Variants in ANKDD1B observed in about 807,000 individuals in gnomAD.
ANKDD1B encodes ankyrin repeat and death domain-containing protein 1B.
A neutral mutation model predicts 59.7 loss-of-function variants in ANKDD1B; 57 were observed. The observed-to-expected ratio is 0.95, with a 90% CI of 0.77 to 1.19. The LOEUF is 1.19. Ranked by LOEUF, ANKDD1B falls within the 50% of genes most tolerant of loss-of-function variation. ANKDD1B has a pLI of 0.00. For synonymous variants in ANKDD1B, 216 were observed against 239.5 expected (o/e 0.90, Z 0.91); for missense variants, 602 against 641.9 (o/e 0.94, Z 0.67).
chr5:75,613,345 G>C (rs1773621092), intron 1 of ANKDD1B, among the ~76,000 whole-genome samples: 1 of 152,166 alleles, frequency 6.6e-6, no homozygotes, highest in South Asian at 2.1e-4. Context: ...ACTGGAGAGA[G>C]ATTAAGTGAT....
chr5:75,640,253 C>G (rs765285974), intron 7 of ANKDD1B, among the ~76,000 whole-genome samples: 3 of 152,096 alleles, frequency 2.0e-5, no homozygotes, highest in Non-Finnish European at 4.4e-5. Flanking sequence ...CCACGTTGCC[C>G]AGGCTGGTCT....
intron 7 of ANKDD1B, among the ~76,000 whole-genome samples, chr5:75,641,769 G>T (rs1361677344): frequency 2.0e-5 from 3 of 152,260 alleles, no homozygotes; most frequent in African/African-American, 7.2e-5. Context: ...TCTGCTGGTG[G>T]GAGTCTATAT....
rs535395429 is a variant in ANKDD1B at position 75,667,007 on chromosome 5, A to G, written c.1393+14A>G. On this transcript the variant is annotated intron_variant, in intron 12 of 13. Coordinates refer to ENST00000601380, the MANE Select transcript of ANKDD1B (RefSeq NM_001276713.2). ...AGCAGTGGTCGGGTGAGTACAGACT[A>G]GATGATGTGGGCAGGAGGAATTCAC... The G allele has an allele frequency of 2.2e-5, 31 of 1,415,902 alleles. No individual in the cohort carries two copies. The East Asian group carries it at 7.4e-4, about 34-fold the overall frequency. The allele number at this position is 1,415,902 out of a possible 1,614,324, so 87.7% of individuals were successfully genotyped here.
intron 3 of ANKDD1B, among the ~76,000 whole-genome samples, chr5:75,620,783 G>C (rs1276899898): frequency 6.6e-6 from 1 of 152,068 alleles, no homozygotes; most frequent in African/African-American, 2.4e-5. Context: ...ATAATAAATA[G>C]GTGTATTAAA....
chr5:75,638,531 C>G (rs1177418510), intron 7 of ANKDD1B, among the ~76,000 whole-genome samples: 1 of 152,076 alleles, frequency 6.6e-6, no homozygotes, highest in Non-Finnish European at 1.5e-5. Flanking sequence ...GTGGCTATCA[C>G]ATATACATTT....
intron 5 of ANKDD1B, among the ~76,000 whole-genome samples, chr5:75,632,206 A>G (rs1244837645): frequency 2.0e-5 from 3 of 152,200 alleles, no homozygotes; most frequent in Non-Finnish European, 4.4e-5. Context: ...TAAGGAAGCC[A>G]TCTAGTCAAA....
chr5:75,611,948 T>C, intron 1 of ANKDD1B, 121 bp downstream of exon 1: 1 of 844,088 alleles, frequency 1.2e-6, no homozygotes, highest in Non-Finnish European at 1.6e-6. Context: ...GCGAGGCGAC[T>C]CAGCCCTGGG....
intron 7 of ANKDD1B, among the ~76,000 whole-genome samples, chr5:75,642,294 G>C (rs575217823): frequency 0.014 from 2,156 of 152,118 alleles, 28 homozygotes; most frequent in African/African-American, 0.037. Flanking sequence ...CAGCGTGAGC[G>C]ACGCAGAAGA....
chr5:75,663,541 T>C, intron 11 of ANKDD1B, 52 bp downstream of exon 11: 1 of 1,414,148 alleles, frequency 7.1e-7, no homozygotes, highest in Non-Finnish European at 9.6e-7. Context: ...AACACCCATC[T>C]TCTTGCAGGG....
At chr5:75,641,462 C>T (rs1466375104) in intron 7 of ANKDD1B, among the ~76,000 whole-genome samples, 1 of 152,138 alleles carries the variant, frequency 6.6e-6, no homozygotes, top group Non-Finnish European at 1.5e-5. Flanking sequence ...ATTTTACTCC[C>T]CAGAACTAAC....
intron 5 of ANKDD1B, among the ~76,000 whole-genome samples, chr5:75,634,260 T>G (rs905191105): frequency 6.6e-5 from 10 of 152,348 alleles, no homozygotes; most frequent in East Asian, 1.9e-4. Context: ...TGAGCTTATC[T>G]TCTAAAAAAA....
In ANKDD1B at chr5:75,671,095, A is replaced by G. The variant is rs1489689769; in HGVS notation, c.*55A>G. ...TTCCACTCAGCATTCAGTTCTTTTA[A>G]TGCCATAAATTTCTTCTAGCAGTAG... On this transcript the variant is annotated 3_prime_UTR_variant, in exon 14 of 14. Transcript: ENST00000601380. 3.5e-6 allele frequency: 3 copies of G among 862,484 alleles called. No homozygotes were observed. Among genetic ancestry groups the G allele is most frequent in the Non-Finnish European group, 4.6e-6 (3 of 650,456 alleles). The allele number at this position is 862,484 out of a possible 1,614,324, so 53.4% of individuals were successfully genotyped here.
At position 75,656,219 on chromosome 5, in the gene ANKDD1B, C is replaced by G. The variant is rs771767978; in HGVS notation, c.996+92C>G. The G allele has an allele frequency of 1.8e-4, 106 of 577,910 alleles. No homozygotes were observed. Among genetic ancestry groups the G allele is most frequent in the Non-Finnish European group, 3.0e-4 (101 of 336,596 alleles). 35.8% of individuals were successfully genotyped at this position (577,910 alleles called of 1,614,324 possible). A position where few individuals can be genotyped will look rare whatever the true frequency, so the allele number is the denominator to read the frequency against. On this transcript the variant is annotated intron_variant, in intron 9 of 13. Coordinates refer to ENST00000601380, the MANE Select transcript of ANKDD1B (RefSeq NM_001276713.2). The stretch of plus-strand genomic sequence containing the variant: ...GGAGTTTTGATTAAGTTCAAGGTAC[C>G]TAAAAATTCCTGGGAGGAACATGAG...
In ANKDD1B at chr5:75,671,587, ATTTCTCTTTCAGTAAGAGAAAC is replaced by A. The variant is rs1271378228; in HGVS notation, c.*549_*570del. ...GCCCATAGTACGGAAATCAACTGCT[ATTTCTCTTTCAGTAAGAGAAAC>A]TGGGTTTGGAATTTATAGTCATTGT... On this transcript the variant is annotated 3_prime_UTR_variant, in exon 14 of 14. Transcript: ENST00000601380. 1 of 152,022 alleles carries A rather than the reference ATTTCTCTTTCAGTAAGAGAAAC, an allele frequency of 6.6e-6. No homozygotes were observed. Among genetic ancestry groups the A allele is most frequent in the Non-Finnish European group, 1.5e-5 (1 of 68,018 alleles). 9.4% of individuals were successfully genotyped at this position (152,022 alleles called of 1,614,324 possible).
In ANKDD1B at chr5:75,666,825, G is replaced by T. The variant is rs756688975; in HGVS notation, c.1225G>T (p.Gly409Cys). Reference protein sequence around the residue: ...HHESIRDPSTGFTLTFKQDHS... With the variant: ...HHESIRDPSTCFTLTFKQDHS... The stretch of plus-strand genomic sequence containing the variant: ...TGAGAGCATCAGGGACCCGTCAACA[G>T]GCTTTACTCTGACATTCAAGCAAGA... Residue 409 changes from glycine (G) to cysteine (C), a missense_variant, in exon 12 of 14, where the codon GGC (glycine) becomes TGC (cysteine). This residue lies in a region of ANKDD1B where 280 missense variants were observed against 319.8 expected (regional missense o/e 0.88). Coordinates refer to ENST00000601380, the MANE Select transcript of ANKDD1B (RefSeq NM_001276713.2). 7.5e-5 allele frequency: 115 copies of T among 1,535,940 alleles called. 1 individual carries two copies. In the South Asian group the frequency reaches 1.3e-3, roughly 17 times the overall value.
intron 1 of ANKDD1B, among the ~76,000 whole-genome samples, chr5:75,615,178 A>C (rs1372557621): frequency 2.0e-5 from 3 of 152,110 alleles, no homozygotes; most frequent in Non-Finnish European, 4.4e-5. Context: ...GGACTTGGAG[A>C]ACTAGAGCAG....
chr5:75,653,315 A>C, intron 8 of ANKDD1B, 75 bp downstream of exon 8: 1 of 978,622 alleles, frequency 1.0e-6, no homozygotes, highest in African/African-American at 1.6e-5. Flanking sequence ...TGCCCCTTGC[A>C]GATACGTGTA....
At chr5:75,623,364 C>T (rs1305222920) in intron 3 of ANKDD1B, among the ~76,000 whole-genome samples, 1 of 152,134 alleles carries the variant, frequency 6.6e-6, no homozygotes, top group Non-Finnish European at 1.5e-5. Flanking sequence ...CGTGCCTGGC[C>T]TTCTGGTCTC....
chr5:75,635,014 T>C lies in ANKDD1B; in HGVS notation c.699+18T>C, dbSNP rs766138016. On this transcript the variant is annotated intron_variant, in intron 6 of 13. Coordinates refer to ENST00000601380, the MANE Select transcript of ANKDD1B (RefSeq NM_001276713.2). ...AGGACAAGGTGAGTTGGACTTTTAT[T>C]TCTTTGCTGAGAACAAGAGAAAGGG... is the stretch of plus-strand genomic sequence containing the variant. 5.0e-5 allele frequency: 74 copies of C among 1,472,486 alleles called. No homozygotes were observed. In the African/African-American group the frequency reaches 1.0e-3, roughly 20 times the overall value. 91.2% of individuals were successfully genotyped at this position (1,472,486 alleles called of 1,614,324 possible). A position where few individuals can be genotyped will look rare whatever the true frequency, so the allele number is the denominator to read the frequency against.
Sources: allele counts gnomAD v4.1 joint callset (sites outside exome capture counted in the v4.1 genomes callset), GRCh38; gene constraint gnomAD v4.1.1; regional missense constraint gnomAD v4.1.1; transcripts MANE v1.5; gene names NCBI Gene and HGNC (gene_info 2026-07-23, HGNC 2026-07-21).